The following MBNL2 variants were observed in gnomAD, a reference collection of about 807,000 sequenced individuals.
MBNL2 encodes the protein muscleblind like splicing regulator 2, also known as muscleblind-like protein 2.
A neutral mutation model predicts 41.9 loss-of-function variants in MBNL2; 17 were observed. The observed-to-expected ratio is 0.41, with a 90% CI of 0.28 to 0.61. The LOEUF (loss-of-function observed/expected upper bound fraction) is 0.61, where lower values mean the gene tolerates loss of function less well. Ranked by LOEUF, MBNL2 falls within the 20% of genes least tolerant of loss-of-function variation. MBNL2 has a pLI of 0.35. For missense variants in MBNL2, 336 were observed against 505.6 expected (o/e 0.66, Z 3.22); for synonymous variants, 195 against 182.9 (o/e 1.07, Z -0.53).
At chr13:97,146,204 T>G in the MBNL2 span, among the ~76,000 whole-genome samples, 1 of 151,420 alleles carries the variant, frequency 6.6e-6, no homozygotes, top group African/African-American at 2.4e-5. Context: ...GGTTTCACCA[T>G]GTTGGCTGGG....
intron 2 of MBNL2, among the ~76,000 whole-genome samples, chr13:97,326,335 A>T (rs980424852): frequency 6.6e-6 from 1 of 152,204 alleles, no homozygotes; most frequent in African/African-American, 2.4e-5. Context: ...AATATTCCTT[A>T]TATCATTCTA....
the MBNL2 span, among the ~76,000 whole-genome samples, chr13:97,146,071 AC>A: frequency 6.6e-6 from 1 of 151,042 alleles, no homozygotes; most frequent in African/African-American, 2.4e-5. Flanking sequence ...GCTCACTGCA[AC>A]CTCCACCTCC....
intron 3 of MBNL2, among the ~76,000 whole-genome samples, chr13:97,335,378 T>G (rs2153067289): frequency 6.6e-6 from 1 of 152,304 alleles, no homozygotes; most frequent in South Asian, 2.1e-4. Context: ...ATCCCTTTAT[T>G]GTAGGAAAAG....
chr13:97,256,420 G>A (rs77543212), intron 1 of MBNL2, among the ~76,000 whole-genome samples: 1,873 of 151,966 alleles, frequency 0.012, 39 homozygotes, highest in African/African-American at 0.043. Context: ...CCTGTTAGTA[G>A]GCTTGCTGGG....
chr13:97,320,426 T>A (rs994835135), intron 2 of MBNL2, among the ~76,000 whole-genome samples: 25 of 151,868 alleles, frequency 1.6e-4, no homozygotes, highest in African/African-American at 6.0e-4. Context: ...CCGGCTAATT[T>A]TTTGTATTTT....
chr13:97,268,687 T>C lies in MBNL2; in HGVS notation c.-604-6945T>C, dbSNP rs1224267262. Among the ~76,000 whole-genome samples the C allele has an allele frequency of 6.6e-6, 1 of 152,218 alleles. No homozygotes were observed. The highest frequency in any genetic ancestry group is 1.5e-5 in the Non-Finnish European group (1 of 68,034). On this transcript the variant is annotated intron_variant, in intron 1 of 8. Transcript: ENST00000679496. The surrounding 1 kb of genome is among the most constrained non-coding windows in gnomAD (Gnocchi z 4.6). ...TATTCCTTGGAGGAGGATCAGGAGC[T>C]CATTCAACAAACATTTGTCCAGTAT... is the stretch of plus-strand genomic sequence containing the variant.
At chr13:97,296,411 T>C (rs994677181) in intron 2 of MBNL2, among the ~76,000 whole-genome samples, 1 of 152,202 alleles carries the variant, frequency 6.6e-6, no homozygotes, top group Non-Finnish European at 1.5e-5. Context: ...ACAAGATTCA[T>C]GTCTTTGAGT....
chr13:97,208,743 C>T, the MBNL2 span, among the ~76,000 whole-genome samples: 9 of 152,176 alleles, frequency 5.9e-5, no homozygotes, highest in Non-Finnish European at 1.3e-4. Context: ...TCACCTTCCT[C>T]AACCCTAACC....
chr13:97,388,961 T>C (rs1254552266), intron 8 of MBNL2, among the ~76,000 whole-genome samples: 4 of 152,210 alleles, frequency 2.6e-5, no homozygotes, highest in Non-Finnish European at 4.4e-5. Context: ...ATTCGTTTTT[T>C]ATACCAAATG....
At chr13:97,154,836 T>TGGAC in the MBNL2 span, among the ~76,000 whole-genome samples, 1 of 151,724 alleles carries the variant, frequency 6.6e-6, no homozygotes, top group Admixed American at 6.6e-5. Context: ...GATGGATGGA[T>TGGAC]GGATAGACAA....
the MBNL2 span, among the ~76,000 whole-genome samples, chr13:97,192,303 A>G: frequency 2.0e-5 from 3 of 152,162 alleles, no homozygotes; most frequent in African/African-American, 4.8e-5. Context: ...TTTCTGTGTT[A>G]TCTTCGCTAT....
At chr13:97,293,022 A>G (rs1171271702) in intron 2 of MBNL2, among the ~76,000 whole-genome samples, 1 of 151,712 alleles carries the variant, frequency 6.6e-6, no homozygotes, top group Non-Finnish European at 1.5e-5. Context: ...AGTTCTACAA[A>G]GGACAAATTA....
intron 8 of MBNL2, among the ~76,000 whole-genome samples, chr13:97,368,058 C>T (rs941787540): frequency 1.3e-5 from 2 of 152,122 alleles, no homozygotes; most frequent in African/African-American, 4.8e-5. Flanking sequence ...GTCCTGCCTC[C>T]TTGAACTATG....
the MBNL2 span, among the ~76,000 whole-genome samples, chr13:97,162,247 T>C: frequency 6.6e-6 from 1 of 152,134 alleles, no homozygotes; most frequent in Non-Finnish European, 1.5e-5. Context: ...CAATTTGACA[T>C]GAGATTTTGG....
intron 2 of MBNL2, among the ~76,000 whole-genome samples, chr13:97,321,363 G>A (rs146064380): frequency 6.5e-4 from 99 of 152,302 alleles, no homozygotes; most frequent in Middle Eastern, 3.4e-3. Context: ...AGAGGCACTG[G>A]AGTGGCCAGA....
chr13:97,315,634 A>G (rs1309245720), intron 2 of MBNL2, among the ~76,000 whole-genome samples: 1 of 152,212 alleles, frequency 6.6e-6, no homozygotes, highest in East Asian at 1.9e-4. Context: ...GGGGACCAAA[A>G]TAGAGGAATG....
At chr13:97,160,034 C>T in the MBNL2 span, among the ~76,000 whole-genome samples, 1 of 152,018 alleles carries the variant, frequency 6.6e-6, no homozygotes, top group Non-Finnish European at 1.5e-5. Context: ...TCAGGTACAC[C>T]AATCAGACGT....
At chr13:97,187,073 G>A in the MBNL2 span, among the ~76,000 whole-genome samples, 4 of 152,156 alleles carry the variant, frequency 2.6e-5, no homozygotes, top group African/African-American at 4.8e-5. Context: ...GTCCTATGGG[G>A]AATGAGATTC....
At chr13:97,239,271 C>A (rs776123566) in intron 1 of MBNL2, among the ~76,000 whole-genome samples, 1 of 152,202 alleles carries the variant, frequency 6.6e-6, no homozygotes, top group Admixed American at 6.5e-5. Context: ...TAACAACCTG[C>A]CAATATAGAT....
Sources: gnomAD v4.1 joint callset for allele counts (sites outside exome capture counted in the v4.1 genomes callset) on GRCh38, gnomAD v4.1.1 for gene constraint, Gnocchi (gnomAD v3.1) non-coding constraint, MANE v1.5 for transcripts, NCBI Gene and HGNC (gene_info 2026-07-23, HGNC 2026-07-21) for gene names.